Variants in ARHGAP24 observed in about 807,000 individuals in gnomAD.
The protein encoded by ARHGAP24 is Rho GTPase activating protein 24.
ARHGAP24 carries 50 observed loss-of-function variants against 76.4 expected under a neutral mutation model. That is an observed-to-expected ratio of 0.65 (90% CI 0.52 to 0.83). ARHGAP24 has a LOEUF of 0.83. ARHGAP24 is among the 40% of genes least tolerant of loss of function. The pLI is 0.00. For synonymous variants in ARHGAP24, 345 were observed against 323.3 expected, an observed-to-expected ratio of 1.07 and a Z score of -0.72; for missense variants, 930 against 914.2, an observed-to-expected ratio of 1.02 and a Z score of -0.22.
intron 2 of ARHGAP24, among the ~76,000 whole-genome samples, chr4:85,626,723 T>G (rs536973583): frequency 5.3e-5 from 8 of 152,308 alleles, no homozygotes; most frequent in African/African-American, 1.4e-4. Context: ...CAATCAGACG[T>G]AGATTTGGTC....
intron 1 of ARHGAP24, among the ~76,000 whole-genome samples, chr4:85,525,109 T>A (rs1296668137): frequency 6.6e-6 from 1 of 152,172 alleles, no homozygotes; most frequent in African/African-American, 2.4e-5. Context: ...GCATCTATAT[T>A]GTATCCACCA....
At chr4:85,583,682 C>G (rs1032906378) in intron 2 of ARHGAP24, among the ~76,000 whole-genome samples, 2 of 150,600 alleles carry the variant, frequency 1.3e-5, no homozygotes, top group African/African-American at 4.9e-5. Context: ...AAAATTTTCG[C>G]AACCTACTCA....
chr4:85,525,257 CTTT>C (rs34087239), intron 1 of ARHGAP24, among the ~76,000 whole-genome samples: 24 of 128,332 alleles, frequency 1.9e-4, no homozygotes, highest in Admixed American at 7.1e-4. Context: ...GTATTATCGG[CTTT>C]TTTTTTTTTT....
chr4:85,818,460 A>C (rs1729336234), intron 3 of ARHGAP24, among the ~76,000 whole-genome samples: 1 of 152,200 alleles, frequency 6.6e-6, no homozygotes, highest in Non-Finnish European at 1.5e-5. Context: ...TTTCTTCAGA[A>C]ACGTGGTGAA....
chr4:85,644,967 G>A (rs2109974409), intron 2 of ARHGAP24, among the ~76,000 whole-genome samples: 1 of 152,162 alleles, frequency 6.6e-6, no homozygotes, highest in African/African-American at 2.4e-5. Flanking sequence ...TAAAGACTGG[G>A]CTTCATGATG....
intron 1 of ARHGAP24, among the ~76,000 whole-genome samples, chr4:85,482,608 C>G (rs1722860587): frequency 6.6e-6 from 1 of 152,068 alleles, no homozygotes; most frequent in Non-Finnish European, 1.5e-5. Context: ...AAAGGCAAAT[C>G]CAGAGACAGT....
At chr4:85,559,542 T>A (rs1418060889) in intron 1 of ARHGAP24, among the ~76,000 whole-genome samples, 1 of 152,232 alleles carries the variant, frequency 6.6e-6, no homozygotes, top group Non-Finnish European at 1.5e-5. Flanking sequence ...GACCAACATC[T>A]TCAGAAGCCT....
intron 5 of ARHGAP24, among the ~76,000 whole-genome samples, chr4:85,945,267 C>T (rs1424274298): frequency 6.6e-6 from 1 of 151,818 alleles, no homozygotes; most frequent in South Asian, 2.1e-4. Flanking sequence ...CTCAGCCTCC[C>T]GAGTAGCTGG....
chr4:85,968,773 C>A (rs981703623), intron 5 of ARHGAP24, among the ~76,000 whole-genome samples: 5 of 151,968 alleles, frequency 3.3e-5, no homozygotes, highest in African/African-American at 7.2e-5. Context: ...TAGAAAAATG[C>A]AGAACTCTCT....
intron 3 of ARHGAP24, among the ~76,000 whole-genome samples, chr4:85,833,661 T>C (rs1235037571): frequency 6.6e-6 from 1 of 152,224 alleles, no homozygotes; most frequent in East Asian, 1.9e-4. Flanking sequence ...AATTTCTGCC[T>C]TTTGGATTTG....
intron 3 of ARHGAP24, among the ~76,000 whole-genome samples, chr4:85,867,686 A>G (rs1297155412): frequency 1.3e-5 from 2 of 151,564 alleles, no homozygotes; most frequent in Non-Finnish European, 2.9e-5. Context: ...TCCTATTTTT[A>G]TACTCACTTC....
At chr4:85,700,419 AG>A (rs1560591783) in intron 2 of ARHGAP24, among the ~76,000 whole-genome samples, 43 of 144,986 alleles carry the variant, frequency 3.0e-4, no homozygotes, top group African/African-American at 8.1e-4. Flanking sequence ...AAATAAATAA[AG>A]AAGAAGAAGA....
intron 5 of ARHGAP24, among the ~76,000 whole-genome samples, chr4:85,949,307 A>T (rs1394419092): frequency 2.6e-5 from 4 of 152,208 alleles, no homozygotes; most frequent in Non-Finnish European, 5.9e-5. Context: ...TGTTCGAGGT[A>T]TCTATTGCTT....
At chr4:85,958,251 T>C (rs1343740935) in intron 5 of ARHGAP24, among the ~76,000 whole-genome samples, 1 of 152,208 alleles carries the variant, frequency 6.6e-6, no homozygotes, top group African/African-American at 2.4e-5. Context: ...ACAGGGTTGT[T>C]GTATTCATTC....
intron 3 of ARHGAP24, among the ~76,000 whole-genome samples, chr4:85,771,463 G>A (rs1240897849): frequency 6.6e-6 from 1 of 152,220 alleles, no homozygotes; most frequent in African/African-American, 2.4e-5. Context: ...ATTGCATTAT[G>A]CCCACTCACA....
At chr4:85,989,386 G>A (rs1019517234) in intron 8 of ARHGAP24, among the ~76,000 whole-genome samples, 2 of 151,536 alleles carry the variant, frequency 1.3e-5, no homozygotes, top group African/African-American at 4.8e-5. Flanking sequence ...AATTGAATTC[G>A]TAGCTAAAAA....
At chr4:85,487,181 A>G (rs958003407) in intron 1 of ARHGAP24, among the ~76,000 whole-genome samples, 1 of 137,046 alleles carries the variant, frequency 7.3e-6, no homozygotes, top group Non-Finnish European at 1.5e-5. Context: ...TATTTATTTT[A>G]TATATATAAA....
intron 5 of ARHGAP24, among the ~76,000 whole-genome samples, chr4:85,958,323 C>A (rs904196207): frequency 2.0e-5 from 3 of 152,072 alleles, no homozygotes; most frequent in Non-Finnish European, 4.4e-5. Flanking sequence ...ATTGCACAGG[C>A]CCTGGCATGT....
intron 5 of ARHGAP24, among the ~76,000 whole-genome samples, chr4:85,942,920 TCAA>T (rs1283687882): frequency 6.6e-6 from 1 of 152,110 alleles, no homozygotes; most frequent in Non-Finnish European, 1.5e-5. Context: ...CTTAATATTA[TCAA>T]CATTATATAC....
Sources: allele counts gnomAD v4.1 joint callset (sites outside exome capture counted in the v4.1 genomes callset), GRCh38; gene constraint gnomAD v4.1.1; transcripts MANE v1.5; gene names NCBI Gene and HGNC (gene_info 2026-07-23, HGNC 2026-07-21).